Variants in USE1 observed in about 807,000 individuals in gnomAD.
The protein encoded by USE1 is unconventional SNARE in the ER 1.
USE1 carries 32 observed loss-of-function variants against 37.6 expected under a neutral mutation model. The observed-to-expected ratio is 0.85, with a 90% CI of 0.64 to 1.14. USE1 has a LOEUF of 1.14. USE1 is among the 50% of genes most tolerant of loss of function. The pLI, the probability that USE1 is intolerant of heterozygous loss-of-function variation, is 0.00. For missense variants in USE1, 310 were observed against 332.2 expected (o/e 0.93, Z 0.52); for synonymous variants, 149 against 137.6 (o/e 1.08, Z -0.58).
At position 17,216,218 on chromosome 19, in the gene USE1, G is replaced by A. The variant is rs568588586; in HGVS notation, c.281G>A (p.Arg94His). Reference protein sequence around the residue: ...ALANQFLAPGRVPTTARERVP... With the variant: ...ALANQFLAPGHVPTTARERVP... ...GCCAACCAGTTCCTGGCCCCTGGCCGTGTGCCAACCACAGCCAGAGAGCGA... is the reference window on the plus strand; with the variant it reads ...GCCAACCAGTTCCTGGCCCCTGGCCATGTGCCAACCACAGCCAGAGAGCGA... Residue 94 changes from arginine to histidine, a missense_variant, in exon 4 of 8, where the codon CGT becomes CAT. Arg to His is a conservative substitution (Grantham distance 29). Transcript: ENST00000263897. 9.3e-6 allele frequency: 15 copies of A among 1,612,812 alleles called. No individual in the cohort carries two copies. Among genetic ancestry groups the A allele is most frequent in the Admixed American group, 6.7e-5 (4 of 60,006 alleles).
chr19:17,216,809 T>A (rs1169273129), intron 4 of USE1, among the ~76,000 whole-genome samples: 1 of 151,904 alleles, frequency 6.6e-6, no homozygotes, highest in African/African-American at 2.4e-5. Flanking sequence ...AGAAACCCCG[T>A]CTTTAGTAAA....
Position 17,218,392 on chromosome 19 carries a change from G to T in USE1, c.422+1G>T. 1 of 1,613,682 alleles carries T rather than the reference G, an allele frequency of 6.2e-7. No individual in the cohort carries two copies. The highest frequency in any genetic ancestry group is 8.5e-7 in the Non-Finnish European group (1 of 1,179,760). ...CTGAGATGGACGTAAGGAAGAGAAC[G>T]TGAGTGTCTGCGGCCCTGGGGCAGT... On this transcript the variant is annotated splice_donor_variant, in intron 6 of 7. Coordinates refer to ENST00000263897, the MANE Select transcript of USE1 (RefSeq NM_018467.4). LOFTEE classifies it high-confidence loss of function.
Position 17,219,626 on chromosome 19 carries a change from C to T in USE1, c.598-5C>T. ...CTGTTGACACCTTTTCCACCTCCCC[C>T]ACAGACCCTGTCACACTCACTGAAA... On this transcript the variant is annotated splice_region_variant and splice_polypyrimidine_tract_variant and intron_variant, in intron 7 of 7. Transcript: ENST00000263897. 1.3e-6 allele frequency: 2 copies of T among 1,595,704 alleles called. No homozygotes were observed. Among genetic ancestry groups the T allele is most frequent in the Non-Finnish European group, 8.6e-7 (1 of 1,167,160 alleles).
At position 17,216,209 on chromosome 19, in the gene USE1, C is replaced by G; in HGVS notation, c.272C>G (p.Ala91Gly). Residue 91 changes from alanine (A) to glycine (G), a missense_variant, in exon 4 of 8, where the codon GCC (alanine) becomes GGC (glycine). Transcript: ENST00000263897. Reference sequence around the variant, plus strand: ...AAAGCACTGGCCAACCAGTTCCTGGCCCCTGGCCGTGTGCCAACCACAGCC... The same window carrying G: ...AAAGCACTGGCCAACCAGTTCCTGGGCCCTGGCCGTGTGCCAACCACAGCC... ...SEKALANQFL[A>G]PGRVPTTARE... The G allele has an allele frequency of 6.2e-7, 1 of 1,612,730 alleles. No homozygotes were observed. Among genetic ancestry groups the G allele is most frequent in the East Asian group, 2.2e-5 (1 of 44,878 alleles).
chr19:17,219,608 C>T (rs761353252), intron 7 of USE1, 23 bp from the exon 8 acceptor site: 3 of 1,581,922 alleles, frequency 1.9e-6, no homozygotes, highest in Non-Finnish European at 2.6e-6. Context: ...GTCCTGTTGA[C>T]ACCTTTTCCA....
rs113248246 is a variant in USE1, at chr19:17,219,200, T to C, written c.423-13T>C. On this transcript the variant is annotated splice_polypyrimidine_tract_variant and intron_variant, in intron 6 of 7. Coordinates refer to ENST00000263897, the MANE Select transcript of USE1 (RefSeq NM_018467.4). ...CATCTCTCATGTCCTCCTCCCCCCGTGTGTGAAATCAGTGGAGTGGCAGGG... is the reference window on the plus strand; with the variant it reads ...CATCTCTCATGTCCTCCTCCCCCCGCGTGTGAAATCAGTGGAGTGGCAGGG... 1.0e-5 allele frequency: 16 copies of C among 1,603,038 alleles called. No homozygotes were observed. The highest frequency in any genetic ancestry group is 8.1e-5 in the African/African-American group (6 of 74,420).
chr19:17,219,350 C>G lies in USE1; in HGVS notation c.560C>G (p.Thr187Ser). 6.3e-7 allele frequency: 1 copy of G among 1,575,770 alleles called. No individual in the cohort carries two copies. The highest frequency in any genetic ancestry group is 8.6e-7 in the Non-Finnish European group (1 of 1,160,664). The change falls in exon 7 of 8, where the codon ACC becomes AGC. Residue 187 changes from threonine to serine, a missense_variant. Transcript: ENST00000263897. ...CTGGCCCGGAGCCTCAAGACCAATA[C>G]CCTGGCCGCCCAGAGTGTCATCAAG... ...LGLARSLKTNTLAAQSVIKKD... is the reference protein window; with the variant it reads ...LGLARSLKTNSLAAQSVIKKD...
chr19:17,217,069 T>G (rs1291153538), intron 4 of USE1, among the ~76,000 whole-genome samples: 1 of 149,046 alleles, frequency 6.7e-6, no homozygotes, highest in African/African-American at 2.5e-5. Context: ...TGACTGAAGG[T>G]GAGGAGGTTG....
In USE1 at chr19:17,219,494, G is replaced by A. The variant is rs113541908; in HGVS notation, c.597+107G>A. On this transcript the variant is annotated intron_variant, in intron 7 of 7. Transcript: ENST00000263897. ...GCTTTGCGGGATGAATAGGAGTTTC[G>A]TAGAAGGCAAAAATGGCATTCCCAG... 1.4e-3 allele frequency: 1,952 copies of A among 1,438,320 alleles called. 20 individuals carry two copies. The African/African-American group carries it at 0.022, about 17-fold the overall frequency. 89.1% of individuals were successfully genotyped at this position (1,438,320 alleles called of 1,614,324 possible).
chr19:17,219,730 C>T lies in USE1; in HGVS notation c.697C>T (p.Leu233=). The T allele has an allele frequency of 6.2e-7, 1 of 1,613,402 alleles. No homozygotes were observed. The part of the protein sequence containing the change: ...EQHTQKSVNW[L]LWAMLIIVCF... ...GCACACGCAGAAGTCAGTCAACTGG[C>T]TGCTCTGGGCCATGCTCATTATCGT... Residue 233 remains leucine, a synonymous_variant, in exon 8 of 8, where the codon CTG becomes TTG. Coordinates refer to ENST00000263897, the MANE Select transcript of USE1 (RefSeq NM_018467.4).
intron 1 of USE1, 62 bp from the exon 2 acceptor site, chr19:17,215,740 C>T: frequency 7.6e-7 from 1 of 1,315,802 alleles, no homozygotes. Flanking sequence ...CCCCGCCCCC[C>T]CGACTCCCAT....
At chr19:17,217,999 G>A in intron 5 of USE1, 1 of 349,400 alleles carries the variant, frequency 2.9e-6, no homozygotes, top group South Asian at 2.3e-5. Flanking sequence ...CAGGAGGATT[G>A]CTTGAGCCTG....
rs748641867 is a variant in USE1 at position 17,219,807 on chromosome 19, CAAAT to C, written c.778_*1del. On this transcript the variant is annotated frameshift_variant and stop_lost, in exon 8 of 8. Transcript: ENST00000263897. LOFTEE classifies it high-confidence loss of function. ...TCTTCATTCGAATCATGCCTAAACT[CAAAT>C]AAAGACCCCCGCCCACCTTGTCTGT... is the stretch of plus-strand genomic sequence containing the variant. 68 of 1,586,084 alleles carry C rather than the reference CAAAT, an allele frequency of 4.3e-5. No homozygotes were observed. The highest frequency in any genetic ancestry group is 1.7e-4 in the Middle Eastern group (1 of 6,022).
intron 6 of USE1, 142 bp downstream of exon 6, chr19:17,218,533 C>T: frequency 8.9e-7 from 1 of 1,127,674 alleles, no homozygotes; most frequent in Non-Finnish European, 1.2e-6. Context: ...ATGCTCTTCC[C>T]AGAAGTCAAA....
At position 17,215,379 on chromosome 19, in the gene USE1, GA is replaced by G. The variant is rs773494805; in HGVS notation, c.-25del. The G allele has an allele frequency of 3.5e-5, 54 of 1,548,074 alleles. No individual in the cohort carries two copies. Among genetic ancestry groups the G allele is most frequent in the Non-Finnish European group, 4.5e-5 (52 of 1,147,082 alleles). On this transcript the variant is annotated 5_prime_UTR_variant, in exon 1 of 8. The change abolishes the stop of an existing upstream ORF in the 5' untranslated region. Coordinates refer to ENST00000263897, the MANE Select transcript of USE1 (RefSeq NM_018467.4). ...GCCCTCTCTTAACATGGAGCCGGCG[GA>G]AGGGGTGGTGTAGGGCCGGGCGATA...
chr19:17,218,040 C>T (rs774377113), intron 5 of USE1: 26 of 360,134 alleles, frequency 7.2e-5, no homozygotes, highest in Non-Finnish European at 1.2e-4. Flanking sequence ...GCTGAGATTG[C>T]GCCAGTGCAC....
chr19:17,216,152 T>G lies in USE1; in HGVS notation c.232-17T>G. On this transcript the variant is annotated splice_polypyrimidine_tract_variant and intron_variant, in intron 3 of 7. Coordinates refer to ENST00000263897, the MANE Select transcript of USE1 (RefSeq NM_018467.4). ...GGACCTGCCCCTCCAGTGACTTATC[T>G]TCCCACATTTCTGCAGACCTCCTCC... 6.2e-7 allele frequency: 1 copy of G among 1,613,110 alleles called. No individual in the cohort carries two copies. The highest frequency in any genetic ancestry group is 2.2e-5 in the East Asian group (1 of 44,848).
At chr19:17,218,201 C>G (rs1197833387) in intron 5 of USE1, 163 bp from the exon 6 acceptor site, 1 of 899,492 alleles carries the variant, frequency 1.1e-6, no homozygotes, top group African/African-American at 1.7e-5. Flanking sequence ...TAAGGAGACC[C>G]TCCTAGAAGA....
Position 17,215,785 on chromosome 19 carries a change from C to T in USE1, c.103-17C>T. 1 of 1,588,658 alleles carries T rather than the reference C, an allele frequency of 6.3e-7. No homozygotes were observed. Among genetic ancestry groups the T allele is most frequent in the Non-Finnish European group, 8.6e-7 (1 of 1,166,500 alleles). On this transcript the variant is annotated splice_polypyrimidine_tract_variant and intron_variant, in intron 1 of 7. Transcript: ENST00000263897. ...ATGGGAAAGACCCCCGGGTGACAAT[C>T]CACTTTTCCTCCCCAGTACGTGGGA...
Sources: allele counts gnomAD v4.1 joint callset (sites outside exome capture counted in the v4.1 genomes callset), GRCh38; gene constraint gnomAD v4.1.1; transcripts MANE v1.5; gene names NCBI Gene and HGNC (gene_info 2026-07-23, HGNC 2026-07-21).